The following SDK1 variants were observed in gnomAD, a reference collection of about 807,000 sequenced individuals.
SDK1 encodes sidekick cell adhesion molecule 1.
SDK1 carries 157 observed loss-of-function variants against 245.5 expected under a neutral mutation model. The observed-to-expected ratio is 0.64, with a 90% CI of 0.56 to 0.73. The LOEUF (loss-of-function observed/expected upper bound fraction) is 0.73. Ranked by LOEUF, SDK1 falls within the 30% of genes least tolerant of loss-of-function variation. The pLI is 0.00. For missense variants in SDK1, 3,583 were observed against 3,002.3 expected (o/e 1.19, Z -4.52); for synonymous variants, 1,647 against 1,278.5 (o/e 1.29, Z -6.15).
chr7:3,792,156 A>C (rs1417648097), intron 4 of SDK1, among the ~76,000 whole-genome samples: 1 of 151,754 alleles, frequency 6.6e-6, no homozygotes, highest in Admixed American at 6.6e-5. Flanking sequence ...AACAAAAAAA[A>C]CCCTTGCATT....
At chr7:3,380,684 CTCTT>C (rs1406725484) in intron 1 of SDK1, among the ~76,000 whole-genome samples, 7 of 152,166 alleles carry the variant, frequency 4.6e-5, no homozygotes, top group South Asian at 2.1e-4. Context: ...AGGAGACTGA[CTCTT>C]TCTGTCTTCT....
At chr7:4,096,245 A>G (rs1298216888) in intron 22 of SDK1, among the ~76,000 whole-genome samples, 4 of 152,210 alleles carry the variant, frequency 2.6e-5, no homozygotes, top group Non-Finnish European at 5.9e-5. Flanking sequence ...TCCGTCTGGA[A>G]CCAGGCCTGG....
intron 1 of SDK1, among the ~76,000 whole-genome samples, chr7:3,380,568 A>G (rs1426880478): frequency 2.0e-5 from 3 of 152,232 alleles, no homozygotes; most frequent in East Asian, 1.9e-4. Flanking sequence ...TTAAGCTGCA[A>G]GTAACAAATT....
chr7:4,249,645 C>A (rs1562480830), intron 44 of SDK1, among the ~76,000 whole-genome samples: 1 of 152,202 alleles, frequency 6.6e-6, no homozygotes, highest in Non-Finnish European at 1.5e-5. Flanking sequence ...CCATCCTGTG[C>A]TCCCCAGGTT....
At chr7:3,610,846 C>T (rs1781565579) in intron 1 of SDK1, among the ~76,000 whole-genome samples, 1 of 152,224 alleles carries the variant, frequency 6.6e-6, no homozygotes, top group Non-Finnish European at 1.5e-5. Context: ...CAGGGACCCT[C>T]CTGCTTTCTC....
intron 1 of SDK1, among the ~76,000 whole-genome samples, chr7:3,458,231 AGATAT>A: frequency 6.6e-6 from 1 of 151,340 alleles, no homozygotes; most frequent in Middle Eastern, 3.4e-3. Context: ...TTTTGTGGGA[AGATAT>A]ATTATTTTCC....
intron 20 of SDK1, among the ~76,000 whole-genome samples, chr7:4,068,535 C>T (rs1212485599): frequency 1.3e-5 from 2 of 151,994 alleles, no homozygotes; most frequent in South Asian, 4.2e-4. Flanking sequence ...TGTCCCCTCC[C>T]CACCCTGCCC....
intron 1 of SDK1, among the ~76,000 whole-genome samples, chr7:3,506,550 C>T (rs1005122388): frequency 1.3e-5 from 2 of 152,188 alleles, no homozygotes; most frequent in Non-Finnish European, 2.9e-5. Flanking sequence ...TCTGATGACT[C>T]TGATGTACTT....
In SDK1 at chr7:3,954,591, C is replaced by T. The variant is rs567405155; in HGVS notation, c.1150+2671C>T. Among the ~76,000 whole-genome samples the T allele has an allele frequency of 2.2e-4, 22 of 99,420 alleles. 1 individual carries two copies. In the South Asian group the frequency reaches 6.4e-3, roughly 29 times the overall value. 65.2% of individuals were successfully genotyped at this position (99,420 alleles called of 152,430 possible). A position where few individuals can be genotyped will look rare whatever the true frequency, so the allele number is the denominator to read the frequency against. On this transcript the variant is annotated intron_variant, in intron 7 of 44. Coordinates refer to ENST00000404826, the MANE Select transcript of SDK1 (RefSeq NM_152744.4). The stretch of plus-strand genomic sequence containing the variant: ...CTTCCCGCCTCCCCTCTATACTCTC[C>T]GCCCTCCGTTCCCACCTCCCCTCTA...
intron 14 of SDK1, among the ~76,000 whole-genome samples, chr7:3,995,630 A>T (rs989118070): frequency 3.3e-5 from 5 of 152,184 alleles, no homozygotes; most frequent in African/African-American, 1.2e-4. Flanking sequence ...CTACACGAAG[A>T]TACCCTCCTG....
intron 1 of SDK1, among the ~76,000 whole-genome samples, chr7:3,493,438 A>G (rs1027683076): frequency 1.3e-5 from 2 of 152,210 alleles, no homozygotes. Flanking sequence ...GTTCTCAAAG[A>G]AAATTAAAAA....
rs542749631 is a variant in SDK1, at chr7:4,266,178, C to T, written c.*794C>T. The T allele has an allele frequency of 4.6e-5, 45 of 985,450 alleles. No homozygotes were observed. In the African/African-American group the frequency reaches 7.3e-4, roughly 16 times the overall value. 61.0% of individuals were successfully genotyped at this position (985,450 alleles called of 1,614,324 possible). On this transcript the variant is annotated 3_prime_UTR_variant, in exon 45 of 45. Coordinates refer to ENST00000404826, the MANE Select transcript of SDK1 (RefSeq NM_152744.4). ...CGAACACAGCACACGGTCAACTCCG[C>T]GGGACACGAGGACACGGGACGGCGT...
At chr7:3,638,943 G>C (rs975429902) in intron 2 of SDK1, 61 bp from the exon 3 acceptor site, 4 of 969,246 alleles carry the variant, frequency 4.1e-6, no homozygotes, top group African/African-American at 3.2e-5. Flanking sequence ...GCATCTGATG[G>C]TTAGATATAA....
chr7:3,608,682 G>A (rs1005112554), intron 1 of SDK1, among the ~76,000 whole-genome samples: 5 of 152,178 alleles, frequency 3.3e-5, no homozygotes, highest in South Asian at 2.1e-4. Context: ...ATCACTCAGC[G>A]AACCAGGAAA....
At chr7:4,056,949 C>A (rs538146283) in intron 19 of SDK1, among the ~76,000 whole-genome samples, 1 of 152,312 alleles carries the variant, frequency 6.6e-6, no homozygotes, top group Non-Finnish European at 1.5e-5. Flanking sequence ...ACAACCACCA[C>A]CACTGCTGGC....
At chr7:3,402,113 A>G (rs766348615) in intron 1 of SDK1, among the ~76,000 whole-genome samples, 1 of 152,208 alleles carries the variant, frequency 6.6e-6, no homozygotes, top group South Asian at 2.1e-4. Context: ...AGATAGAGCA[A>G]TGTCACAGAA....
chr7:3,992,051 C>G (rs545511477), intron 14 of SDK1, among the ~76,000 whole-genome samples: 3 of 152,348 alleles, frequency 2.0e-5, no homozygotes, highest in Non-Finnish European at 4.4e-5. Context: ...TCTGTCCCTC[C>G]GGCTACTTGG....
rs184781622 is a variant in SDK1 at position 3,945,776 on chromosome 7, G to A, written c.848-5147G>A. Among the ~76,000 whole-genome samples, 22 of 151,724 alleles carry A rather than the reference G, an allele frequency of 1.5e-4. No homozygotes were observed. In the East Asian group the frequency reaches 2.5e-3, roughly 18 times the overall value. The stretch of plus-strand genomic sequence containing the variant: ...AAGCCAGGCGTGATGGCAGGAGCCC[G>A]TAATCCCAGCTACCCAGGAGGCTGA... On this transcript the variant is annotated intron_variant, in intron 5 of 44. Transcript: ENST00000404826.
chr7:4,085,879 G>A (rs1233466763), intron 22 of SDK1, among the ~76,000 whole-genome samples: 1 of 152,214 alleles, frequency 6.6e-6, no homozygotes, highest in Non-Finnish European at 1.5e-5. Flanking sequence ...AAAAATTGGT[G>A]GAGGATTTTA....
Sources: allele counts gnomAD v4.1 joint callset (sites outside exome capture counted in the v4.1 genomes callset), GRCh38; gene constraint gnomAD v4.1.1; transcripts MANE v1.5; gene names NCBI Gene and HGNC (gene_info 2026-07-23, HGNC 2026-07-21).